The following RNF111 variants were observed in gnomAD, a reference collection of about 807,000 sequenced individuals.
The protein encoded by RNF111 is ring finger protein 111, also known as E3 ubiquitin-protein ligase Arkadia.
A neutral mutation model predicts 95.1 loss-of-function variants in RNF111; 17 were observed. The ratio of observed to expected loss-of-function variants is 0.18; its 90% confidence interval spans 0.12 to 0.27. The LOEUF is 0.27. RNF111 is among the 10% of genes least tolerant of loss of function. RNF111 has a pLI of 1.00. For missense variants in RNF111, 1,189 were observed against 1,210.4 expected, an observed-to-expected ratio of 0.98 and a Z score of 0.26; for synonymous variants, 440 against 414.8, an observed-to-expected ratio of 1.06 and a Z score of -0.74.
intron 1 of RNF111, among the ~76,000 whole-genome samples, chr15:58,999,804 G>A (rs1401971955): frequency 1.3e-5 from 2 of 152,164 alleles, no homozygotes; most frequent in African/African-American, 2.4e-5. Flanking sequence ...TATAGGAAGC[G>A]TGGCAGCATC....
intron 1 of RNF111, among the ~76,000 whole-genome samples, chr15:58,992,293 T>C (rs1238984258): frequency 6.6e-6 from 1 of 152,044 alleles, no homozygotes; most frequent in African/African-American, 2.4e-5. Flanking sequence ...GATTCGCCCG[T>C]CTCGGCCTCC....
At chr15:59,033,565 G>A (rs1275717094) in intron 2 of RNF111, among the ~76,000 whole-genome samples, 1 of 152,176 alleles carries the variant, frequency 6.6e-6, no homozygotes, top group African/African-American at 2.4e-5. Flanking sequence ...TTTTGGGAGT[G>A]AGTACAGCAG....
At chr15:59,019,144 G>C (rs2040212288) in intron 1 of RNF111, among the ~76,000 whole-genome samples, 1 of 126,622 alleles carries the variant, frequency 7.9e-6, no homozygotes, top group Admixed American at 8.3e-5. Flanking sequence ...GTTTCATGTT[G>C]CCCAGGGTGG....
intron 1 of RNF111, among the ~76,000 whole-genome samples, chr15:59,000,602 C>T (rs774688870): frequency 6.6e-6 from 1 of 151,230 alleles, no homozygotes; most frequent in Non-Finnish European, 1.5e-5. Context: ...CCTAGCTATT[C>T]GGGAGGCTGA....
chr15:58,993,669 C>G (rs1425936219), intron 1 of RNF111, among the ~76,000 whole-genome samples: 3 of 152,182 alleles, frequency 2.0e-5, no homozygotes, highest in African/African-American at 7.2e-5. Flanking sequence ...TGTTGTATTT[C>G]AGGCACTGTG....
chr15:59,072,450 C>CTT (rs35989790), intron 6 of RNF111, among the ~76,000 whole-genome samples: 3,275 of 102,610 alleles, frequency 0.032, 208 homozygotes, highest in African/African-American at 0.1. Flanking sequence ...TCATTTCCAT[C>CTT]TTTTTTTTTT....
At chr15:59,028,108 G>A (rs1340491079) in intron 1 of RNF111, among the ~76,000 whole-genome samples, 2 of 152,030 alleles carry the variant, frequency 1.3e-5, no homozygotes, top group Non-Finnish European at 2.9e-5. Context: ...TTTGGCCACC[G>A]CGCCTGGCCA....
chr15:59,081,983 A>G (rs1318027505), intron 8 of RNF111, among the ~76,000 whole-genome samples: 2 of 152,178 alleles, frequency 1.3e-5, no homozygotes, highest in African/African-American at 2.4e-5. Context: ...TGGTGCAACC[A>G]TAGTTCTTTT....
At chr15:59,066,337 G>T (rs1381138139) in intron 5 of RNF111, among the ~76,000 whole-genome samples, 1 of 152,038 alleles carries the variant, frequency 6.6e-6, no homozygotes, top group African/African-American at 2.4e-5. Flanking sequence ...CAGCCGGGGT[G>T]TGGTGGCTCA....
At chr15:59,024,714 T>G (rs1378578492) in intron 1 of RNF111, among the ~76,000 whole-genome samples, 1 of 152,240 alleles carries the variant, frequency 6.6e-6, no homozygotes, top group Non-Finnish European at 1.5e-5. Flanking sequence ...TTACCATTTT[T>G]AAGTTTATAA....
intron 1 of RNF111, among the ~76,000 whole-genome samples, chr15:59,028,556 C>T (rs1276594655): frequency 1.3e-5 from 2 of 152,152 alleles, no homozygotes; most frequent in Non-Finnish European, 2.9e-5. Flanking sequence ...GAAAGTTAAA[C>T]TGGATAGTGA....
intron 2 of RNF111, among the ~76,000 whole-genome samples, chr15:59,041,070 A>G (rs1392766192): frequency 6.6e-6 from 1 of 151,818 alleles, no homozygotes; most frequent in Non-Finnish European, 1.5e-5. Flanking sequence ...AATATATACT[A>G]TTGTTGGGGT....
At chr15:59,013,312 T>A (rs1216719762) in intron 1 of RNF111, among the ~76,000 whole-genome samples, 1 of 152,228 alleles carries the variant, frequency 6.6e-6, no homozygotes, top group African/African-American at 2.4e-5. Context: ...TTGTCATGAC[T>A]AAGAGACCCA....
intron 1 of RNF111, chr15:59,003,878 A>T (rs1400452633): frequency 6.5e-6 from 1 of 154,484 alleles, no homozygotes; most frequent in African/African-American, 2.4e-5. Context: ...AATGAGAACC[A>T]TAAATGAATA....
At chr15:59,092,375 CACTT>C in intron 12 of RNF111, 158 bp from the exon 13 acceptor site, 3 of 566,500 alleles carry the variant, frequency 5.3e-6, no homozygotes, top group Non-Finnish European at 8.4e-6. Context: ...TGATGATAGT[CACTT>C]AATTCATCCA....
intron 3 of RNF111, 45 bp downstream of exon 3, chr15:59,052,476 A>T: frequency 7.4e-7 from 1 of 1,359,908 alleles, no homozygotes; most frequent in Non-Finnish European, 9.8e-7. Context: ...ATTAAATATA[A>T]ATATTAAACA....
chr15:59,002,962 A>G (rs1401846104), intron 1 of RNF111, among the ~76,000 whole-genome samples: 14 of 152,074 alleles, frequency 9.2e-5, no homozygotes, highest in Admixed American at 6.5e-4. Context: ...TTGATGGTCA[A>G]CCTTTACATT....
At chr15:59,093,316 A>G (rs1200094028) in intron 13 of RNF111, 6 of 404,174 alleles carry the variant, frequency 1.5e-5, no homozygotes, top group Non-Finnish European at 2.9e-5. Flanking sequence ...GATTAGTCCT[A>G]TGCAGTCTGT....
At chr15:59,075,181 C>T (rs1478947711) in intron 6 of RNF111, among the ~76,000 whole-genome samples, 14 of 152,152 alleles carry the variant, frequency 9.2e-5, no homozygotes, top group South Asian at 2.1e-4. Context: ...AGAGTTTCCA[C>T]ATGCTGTTGG....
Sources: allele counts gnomAD v4.1 joint callset (sites outside exome capture counted in the v4.1 genomes callset), GRCh38; gene constraint gnomAD v4.1.1; transcripts MANE v1.5; gene names NCBI Gene and HGNC (gene_info 2026-07-23, HGNC 2026-07-21).